Variants in KANK1 observed in about 807,000 individuals in gnomAD.
The protein encoded by KANK1 is KN motif and ankyrin repeat domains 1.
Under a neutral mutation model 106.2 loss-of-function variants are expected in KANK1, and 109 were observed. The ratio of observed to expected loss-of-function variants is 1.03; its 90% CI spans 0.88 to 1.20. The LOEUF (loss-of-function observed/expected upper bound fraction) is 1.20, where lower values mean the gene tolerates loss of function less well. Ranked by LOEUF, KANK1 falls within the 50% of genes most tolerant of loss-of-function variation. The pLI, the probability that KANK1 is intolerant of heterozygous loss-of-function variation, is 0.00. For synonymous variants in KANK1, 873 were observed against 652.2 expected, an observed-to-expected ratio of 1.34 and a Z score of -5.16; for missense variants, 2,399 against 1,710.7, an observed-to-expected ratio of 1.40 and a Z score of -7.10.
chr9:483,613 C>G (rs1281952212), intron 3 of KANK1, among the ~76,000 whole-genome samples: 1 of 152,090 alleles, frequency 6.6e-6, no homozygotes, highest in African/African-American at 2.4e-5. Flanking sequence ...CAATGGAATG[C>G]AAAAATGGTA....
chr9:721,213 T>A (rs1411146605), intron 3 of KANK1, among the ~76,000 whole-genome samples: 1 of 152,116 alleles, frequency 6.6e-6, no homozygotes, highest in Non-Finnish European at 1.5e-5. Context: ...CTTTACAGGG[T>A]TCCTAACCTG....
intron 1 of KANK1, among the ~76,000 whole-genome samples, chr9:630,320 T>A (rs1427703482): frequency 6.8e-6 from 1 of 147,972 alleles, no homozygotes; most frequent in African/African-American, 2.5e-5. Flanking sequence ...CTTTGGAGGC[T>A]GAGGCGGATC....
intron 1 of KANK1, among the ~76,000 whole-genome samples, chr9:637,672 G>C (rs954880831): frequency 3.9e-5 from 6 of 152,112 alleles, no homozygotes; most frequent in Non-Finnish European, 8.8e-5. Flanking sequence ...CCAGGAACGA[G>C]TGTATATTTT....
At chr9:613,318 G>A (rs1257444781) in intron 1 of KANK1, among the ~76,000 whole-genome samples, 1 of 150,918 alleles carries the variant, frequency 6.6e-6, no homozygotes, top group East Asian at 1.9e-4. Flanking sequence ...AGCAAGTACA[G>A]CTGTAACAAT....
rs1223329372 is a variant in KANK1 at position 745,158 on chromosome 9, T to G, written c.3997-15T>G. On this transcript the variant is annotated splice_polypyrimidine_tract_variant and intron_variant, in intron 11 of 11. Transcript: ENST00000382297. ...ACTTATTAACCCCCAGTTTTTTTCC[T>G]TTCCTGGTCTCTAGGGCACCCCTAG... The G allele has an allele frequency of 1.9e-6, 3 of 1,613,024 alleles. 1 individual carries two copies.
chr9:477,356 A>G (rs1407172006), intron 3 of KANK1, among the ~76,000 whole-genome samples: 1 of 152,152 alleles, frequency 6.6e-6, no homozygotes, highest in Non-Finnish European at 1.5e-5. Flanking sequence ...GAGTTCCTAG[A>G]ATAACTGTCT....
intron 1 of KANK1, among the ~76,000 whole-genome samples, chr9:640,059 C>G (rs187549083): frequency 6.6e-6 from 1 of 152,260 alleles, no homozygotes; most frequent in East Asian, 1.9e-4. Flanking sequence ...AGCAGTCTCT[C>G]AGACCTCGTT....
intron 2 of KANK1, among the ~76,000 whole-genome samples, chr9:704,803 A>C (rs1823590634): frequency 6.6e-6 from 1 of 152,050 alleles, no homozygotes; most frequent in South Asian, 2.1e-4. Flanking sequence ...CAAAATAGCA[A>C]GAACTCATCT....
intron 1 of KANK1, among the ~76,000 whole-genome samples, chr9:610,342 C>A (rs1277859578): frequency 2.0e-5 from 3 of 151,988 alleles, no homozygotes; most frequent in Non-Finnish European, 4.4e-5. Context: ...CAAAGTGAAC[C>A]ATGATGAGAC....
chr9:553,385 TGAG>T (rs1161033443), intron 1 of KANK1, among the ~76,000 whole-genome samples: 1 of 152,148 alleles, frequency 6.6e-6, no homozygotes, highest in Non-Finnish European at 1.5e-5. Context: ...CTCCCTATGA[TGAG>T]GGGTATACTG....
chr9:503,776 G>T (rs532819573), upstream of KANK1, among the ~76,000 whole-genome samples: 2 of 152,166 alleles, frequency 1.3e-5, no homozygotes, highest in Admixed American at 6.5e-5. Flanking sequence ...GAAAAAGACT[G>T]AAGTCACAGC....
In KANK1 at chr9:707,114, G is replaced by A. The variant is rs530994145; in HGVS notation, c.38-3690G>A. 8.1e-6 allele frequency: 8 copies of A among 985,478 alleles called. No individual in the cohort carries two copies. The African/African-American group carries it at 1.0e-4, about 13-fold the overall frequency. 61.0% of individuals were successfully genotyped at this position (985,478 alleles called of 1,614,324 possible). ...AGCCTATGGCATCCGAGCGTGGCCGGCCAAGTTTACACGAATGTTGAAACT... is the reference window on the plus strand; with the variant it reads ...AGCCTATGGCATCCGAGCGTGGCCGACCAAGTTTACACGAATGTTGAAACT... On this transcript the variant is annotated intron_variant, in intron 2 of 11. Transcript: ENST00000382297.
chr9:706,658 T>A (rs1295486175), intron 2 of KANK1: 1 of 434,986 alleles, frequency 2.3e-6, no homozygotes, highest in Non-Finnish European at 3.1e-6. Context: ...GAAGAACTTT[T>A]CATCAGTGGC....
chr9:513,344 G>A lies in KANK1; in HGVS notation c.-84+8590G>A, dbSNP rs10116632. 7.2e-3 allele frequency among the ~76,000 whole-genome samples: 1,088 copies of A among 151,106 alleles called. 20 individuals are homozygous for A. The highest frequency in any genetic ancestry group is 0.025 in the African/African-American group (1,047 of 41,448). Reference sequence around the variant, plus strand: ...TGCTGTCAGAAATAAGTGCTCTCTTGCTTTTTTCATTACCAAAGCAATCAG... The same window carrying A: ...TGCTGTCAGAAATAAGTGCTCTCTTACTTTTTTCATTACCAAAGCAATCAG... On this transcript the variant is annotated intron_variant, in intron 1 of 11. Transcript: ENST00000382297.
At chr9:569,862 T>C (rs1192821103) in intron 1 of KANK1, among the ~76,000 whole-genome samples, 2 of 152,122 alleles carry the variant, frequency 1.3e-5, no homozygotes, top group Non-Finnish European at 2.9e-5. Flanking sequence ...GTAGTTCACT[T>C]ATGTTAATTA....
chr9:690,864 C>T (rs1819740098), intron 2 of KANK1, among the ~76,000 whole-genome samples: 1 of 152,190 alleles, frequency 6.6e-6, no homozygotes, highest in Admixed American at 6.5e-5. Context: ...CCACAGAAGG[C>T]TTTTGTCTCC....
intron 10 of KANK1, among the ~76,000 whole-genome samples, 189 bp from the exon 11 acceptor site, chr9:744,302 G>GA (rs1171359426): frequency 6.6e-6 from 1 of 152,192 alleles, no homozygotes; most frequent in Admixed American, 6.5e-5. Flanking sequence ...GTGGAGGCTT[G>GA]CCTCATTCAT....
At chr9:534,860 C>T (rs1001153926) in intron 1 of KANK1, among the ~76,000 whole-genome samples, 2 of 152,106 alleles carry the variant, frequency 1.3e-5, no homozygotes, top group Non-Finnish European at 2.9e-5. Context: ...TAAAATTTTG[C>T]CCATGTGGGA....
At chr9:648,578 A>C (rs1398586594) in intron 1 of KANK1, among the ~76,000 whole-genome samples, 2 of 152,320 alleles carry the variant, frequency 1.3e-5, no homozygotes, top group East Asian at 3.9e-4. Context: ...TTAAAATGAC[A>C]TCATCATCGT....
Sources: allele counts gnomAD v4.1 joint callset (sites outside exome capture counted in the v4.1 genomes callset), GRCh38; gene constraint gnomAD v4.1.1; transcripts MANE v1.5; gene names NCBI Gene and HGNC (gene_info 2026-07-23, HGNC 2026-07-21).